SFMBT2: variants seen among roughly 807,000 people sequenced by gnomAD.
The protein encoded by SFMBT2 is scm-like with four MBT domains protein 2.
SFMBT2 carries 38 observed loss-of-function variants against 110.1 expected under a neutral mutation model. The ratio of observed to expected loss-of-function variants is 0.35; its 90% CI spans 0.27 to 0.45. The LOEUF (loss-of-function observed/expected upper bound fraction) is 0.45. SFMBT2 is among the 20% of genes least tolerant of loss of function. SFMBT2 has a pLI of 1.00. For missense variants in SFMBT2, 1,011 were observed against 1,094.9 expected, an observed-to-expected ratio of 0.92 and a Z score of 1.08; for synonymous variants, 425 against 425.4, an observed-to-expected ratio of 1.00 and a Z score of 0.01.
intron 4 of SFMBT2, among the ~76,000 whole-genome samples, chr10:7,347,877 G>T (rs1181859729): frequency 3.3e-5 from 5 of 152,138 alleles, no homozygotes; most frequent in African/African-American, 1.2e-4. Flanking sequence ...CACCCAAGAA[G>T]GGCACATAAA....
chr10:7,401,218 G>A (rs886431972), intron 1 of SFMBT2, among the ~76,000 whole-genome samples: 3 of 152,164 alleles, frequency 2.0e-5, no homozygotes, highest in African/African-American at 7.2e-5. Context: ...TACGCACTTG[G>A]GACCTTAAAA....
intron 8 of SFMBT2, among the ~76,000 whole-genome samples, chr10:7,245,754 T>C (rs1588379426): frequency 6.6e-6 from 1 of 152,224 alleles, no homozygotes; most frequent in South Asian, 2.1e-4. Context: ...AAACACACCC[T>C]GGCTGGACTG....
intron 1 of SFMBT2, among the ~76,000 whole-genome samples, chr10:7,392,551 T>C (rs765333273): frequency 2.0e-5 from 3 of 152,202 alleles, no homozygotes; most frequent in Non-Finnish European, 4.4e-5. Flanking sequence ...CACTGTAATT[T>C]GTAATTCACC....
rs757954474 is a variant in SFMBT2 at position 7,172,166 on chromosome 10, G to T, written c.2152-8C>A. Reference sequence around the variant, plus strand: ...GTCCTCCTCTTCACTTTCCTGGGAAGGAGGAAAAGGCATTTAAGGGGCTGG... The same window carrying T: ...GTCCTCCTCTTCACTTTCCTGGGAATGAGGAAAAGGCATTTAAGGGGCTGG... On this transcript the variant is annotated splice_region_variant and splice_polypyrimidine_tract_variant and intron_variant, in intron 18 of 20. Transcript: ENST00000397167. The surrounding 1 kb of genome is among the most constrained non-coding windows in gnomAD (Gnocchi z 4.6). The T allele has an allele frequency of 3.9e-6, 6 of 1,537,188 alleles. No homozygotes were observed. In the Admixed American group the frequency reaches 1.3e-4, roughly 32 times the overall value.
At chr10:7,206,890 T>C in intron 11 of SFMBT2, 1 of 985,354 alleles carries the variant, frequency 1.0e-6, no homozygotes, top group Non-Finnish European at 1.2e-6. Flanking sequence ...TCTGACCCCT[T>C]AGTCCAGCCC....
In SFMBT2 at chr10:7,172,450, A is replaced by T; in HGVS notation, c.2151+45T>A. ...GCAGCCACACTTGCCGGCCAGGGCC[A>T]GATGACAGAGCTACAGGCTGGCAGG... On this transcript the variant is annotated intron_variant, in intron 18 of 20. Transcript: ENST00000397167. The surrounding 1 kb of genome is among the most constrained non-coding windows in gnomAD (Gnocchi z 4.6). The T allele has an allele frequency of 3.1e-6, 5 of 1,612,008 alleles. No individual in the cohort carries two copies. The highest frequency in any genetic ancestry group is 4.2e-6 in the Non-Finnish European group (5 of 1,179,816).
In SFMBT2 at chr10:7,254,617, C is replaced by T. The variant is rs575354504; in HGVS notation, c.871-5968G>A. ...CAGGCGGATCATGAGGTCAAGAGAT[C>T]GAGACCATCCTGGCCAACATGGTGA... On this transcript the variant is annotated intron_variant, in intron 7 of 20. Coordinates refer to ENST00000397167, the MANE Select transcript of SFMBT2 (RefSeq NM_001387889.1). Among the ~76,000 whole-genome samples, 97 of 151,974 alleles carry T rather than the reference C, an allele frequency of 6.4e-4. 1 individual carries two copies. In the South Asian group the frequency reaches 0.012, roughly 19 times the overall value.
Position 7,276,868 on chromosome 10 carries a change from C to T in SFMBT2, c.870+24G>A, listed in dbSNP as rs182454441. On this transcript the variant is annotated intron_variant, in intron 7 of 20. Transcript: ENST00000397167. ...ATTTTATTCTCAAAAAGGGTAGATA[C>T]ATTGCTAAGAATCAACATCTTACCT... 404 of 855,892 alleles carry T rather than the reference C, an allele frequency of 4.7e-4. 1 individual carries two copies. The highest frequency in any genetic ancestry group is 7.0e-4 in the Non-Finnish European group (339 of 486,362). 53.0% of individuals were successfully genotyped at this position (855,892 alleles called of 1,614,324 possible). A position where few individuals can be genotyped will look rare whatever the true frequency, so the allele number is the denominator to read the frequency against.
At chr10:7,332,320 G>A (rs986687547) in intron 4 of SFMBT2, among the ~76,000 whole-genome samples, 17 of 152,164 alleles carry the variant, frequency 1.1e-4, no homozygotes, top group African/African-American at 3.1e-4. Flanking sequence ...AAGACGCTAC[G>A]AATGTGTGTT....
Position 7,170,877 on chromosome 10 carries a change from A to G in SFMBT2, c.2544+51T>C. ...CCGGCTAGGACACGAGGTTCATTTCAGATGCAGAGTCTCAGCACATCAAAC... is the reference window on the plus strand; with the variant it reads ...CCGGCTAGGACACGAGGTTCATTTCGGATGCAGAGTCTCAGCACATCAAAC... On this transcript the variant is annotated intron_variant, in intron 20 of 20. Transcript: ENST00000397167. The surrounding 1 kb of genome is among the most constrained non-coding windows in gnomAD (Gnocchi z 4.6). The G allele has an allele frequency of 6.2e-7, 1 of 1,611,180 alleles. No individual in the cohort carries two copies. Among genetic ancestry groups the G allele is most frequent in the Non-Finnish European group, 8.5e-7 (1 of 1,177,826 alleles).
At chr10:7,267,844 T>C (rs1374247294) in intron 7 of SFMBT2, among the ~76,000 whole-genome samples, 1 of 152,226 alleles carries the variant, frequency 6.6e-6, no homozygotes, top group Non-Finnish European at 1.5e-5. Context: ...TTCAGGTATG[T>C]CCCTTCCTTG....
intron 2 of SFMBT2, among the ~76,000 whole-genome samples, chr10:7,381,062 C>CACAT (rs1554812379): frequency 6.9e-6 from 1 of 145,332 alleles, no homozygotes; most frequent in Non-Finnish European, 1.5e-5. Context: ...CACACACACA[C>CACAT]ACATACACAC....
At chr10:7,228,383 A>C in intron 9 of SFMBT2, 1 of 831,338 alleles carries the variant, frequency 1.2e-6, no homozygotes, top group Non-Finnish European at 1.4e-6. Flanking sequence ...AATTAAAAAA[A>C]AAAAAAACAA....
intron 11 of SFMBT2, among the ~76,000 whole-genome samples, chr10:7,212,037 G>A (rs2131628082): frequency 6.6e-6 from 1 of 152,310 alleles, no homozygotes; most frequent in African/African-American, 2.4e-5. Flanking sequence ...TAGGCTGCAT[G>A]AGAAACATCA....
chr10:7,333,559 ATT>A (rs921979969), intron 4 of SFMBT2, among the ~76,000 whole-genome samples: 1 of 145,280 alleles, frequency 6.9e-6, no homozygotes. Context: ...TGCCTAGCTA[ATT>A]TTTTTTTTTT....
intron 1 of SFMBT2, among the ~76,000 whole-genome samples, chr10:7,390,657 T>C (rs554717373): frequency 6.6e-6 from 1 of 152,324 alleles, no homozygotes; most frequent in South Asian, 2.1e-4. Flanking sequence ...AATAAATCAG[T>C]TAAATGTCAG....
At chr10:7,167,253 A>C (rs1324753875) in intron 20 of SFMBT2, among the ~76,000 whole-genome samples, 2 of 152,188 alleles carry the variant, frequency 1.3e-5, no homozygotes. Context: ...TGACTGATGA[A>C]AGCTGAATAC....
rs1309616929 is a variant in SFMBT2, at chr10:7,170,642, C to T, written c.2544+286G>A. On this transcript the variant is annotated intron_variant, in intron 20 of 20. Transcript: ENST00000397167. The surrounding 1 kb of genome is among the most constrained non-coding windows in gnomAD (Gnocchi z 4.6). ...CCCCTCACCTGGCAGCAACAGGCAC[C>T]TCCCACCCCTGCTGGGTGGTGTCAC... Among the ~76,000 whole-genome samples, 1 of 152,080 alleles carries T rather than the reference C, an allele frequency of 6.6e-6. No individual in the cohort carries two copies. The highest frequency in any genetic ancestry group is 2.4e-5 in the African/African-American group (1 of 41,420).
intron 4 of SFMBT2, among the ~76,000 whole-genome samples, chr10:7,342,904 G>T (rs12358629): frequency 6.6e-6 from 1 of 151,660 alleles, no homozygotes; most frequent in Admixed American, 6.6e-5. Flanking sequence ...AATTTTATTA[G>T]ATTTTTTTGT....
Sources: allele counts gnomAD v4.1 joint callset (sites outside exome capture counted in the v4.1 genomes callset), GRCh38; gene constraint gnomAD v4.1.1; non-coding constraint Gnocchi (gnomAD v3.1); transcripts MANE v1.5; gene names NCBI Gene and HGNC (gene_info 2026-07-23, HGNC 2026-07-21).